Variants in ANKRD31 observed in about 807,000 individuals in gnomAD.
ANKRD31 encodes the protein ankyrin repeat domain-containing protein 31.
In ANKRD31, 147 loss-of-function variants were observed where a neutral mutation model predicts 186.0. That is an observed-to-expected ratio of 0.79 (90% confidence interval 0.69 to 0.91). The LOEUF (loss-of-function observed/expected upper bound fraction) is 0.91, where lower values mean the gene tolerates loss of function less well. ANKRD31 is among the 40% of genes least tolerant of loss of function. ANKRD31 has a pLI of 0.00. For synonymous variants in ANKRD31, 673 were observed against 736.4 expected, an observed-to-expected ratio of 0.91 and a Z score of 1.39; for missense variants, 1,986 against 2,148.8, an observed-to-expected ratio of 0.92 and a Z score of 1.50.
chr5:75,116,533 G>C, intron 19 of ANKRD31, 33 bp downstream of exon 19: 1 of 1,287,966 alleles, frequency 7.8e-7, no homozygotes, highest in Non-Finnish European at 1.0e-6. Flanking sequence ...CATTTTCTAA[G>C]ATGAAGAACA....
At chr5:75,174,017 G>A (rs922854928) in intron 10 of ANKRD31, among the ~76,000 whole-genome samples, 5 of 152,074 alleles carry the variant, frequency 3.3e-5, no homozygotes, top group Admixed American at 1.3e-4. Context: ...CATGGTACTC[G>A]TACCAAAACA....
Position 75,169,027 on chromosome 5 carries a change from T to C in ANKRD31, c.1659A>G (p.Leu553=), listed in dbSNP as rs918062256. ...CATCATGTAGGGGAGTAATCTGGTATAATCCTTTGATATTTACATCTGCTC... is the reference window on the plus strand; with the variant it reads ...CATCATGTAGGGGAGTAATCTGGTACAATCCTTTGATATTTACATCTGCTC... ...KGGADVNIKG[L]YQITPLHDAV... is the part of the protein sequence containing the mutation. Residue 553 remains leucine, a synonymous_variant, in exon 11 of 26, where the codon TTA becomes TTG. Coordinates refer to ENST00000506364, the MANE Select transcript of ANKRD31 (RefSeq NM_001372053.1). 2.5e-5 allele frequency: 38 copies of C among 1,536,578 alleles called. No individual in the cohort carries two copies. The African/African-American group carries it at 4.7e-4, about 19-fold the overall frequency.
chr5:75,224,180 C>T (rs113364060), intron 2 of ANKRD31, among the ~76,000 whole-genome samples: 2,345 of 114,184 alleles, frequency 0.021, 95 homozygotes, highest in African/African-American at 0.057. Flanking sequence ...TATATATATA[C>T]ACACATTTCT....
intron 4 of ANKRD31, among the ~76,000 whole-genome samples, chr5:75,208,625 C>G (rs1756406321): frequency 1.3e-5 from 2 of 152,214 alleles, no homozygotes; most frequent in South Asian, 4.1e-4. Flanking sequence ...TGACAGGACA[C>G]TATGTCCAGA....
chr5:75,187,558 GCAGA>G (rs1242385021), intron 10 of ANKRD31, among the ~76,000 whole-genome samples: 2 of 152,018 alleles, frequency 1.3e-5, no homozygotes, highest in Admixed American at 6.6e-5. Context: ...AACTCAATGG[GCAGA>G]CAAAGAATAC....
At chr5:75,215,292 A>C (rs904306279) in intron 3 of ANKRD31, among the ~76,000 whole-genome samples, 3 of 152,170 alleles carry the variant, frequency 2.0e-5, no homozygotes, top group African/African-American at 7.2e-5. Flanking sequence ...AGGTCCACTG[A>C]CTTTAATGTT....
At chr5:75,187,139 TG>T (rs1754789296) in intron 10 of ANKRD31, among the ~76,000 whole-genome samples, 1 of 151,308 alleles carries the variant, frequency 6.6e-6, no homozygotes, top group Non-Finnish European at 1.5e-5. Flanking sequence ...TGTGTGTGTG[TG>T]TGTGTGTGTT....
At chr5:75,190,783 T>A (rs1755060729) in intron 9 of ANKRD31, among the ~76,000 whole-genome samples, 2 of 152,112 alleles carry the variant, frequency 1.3e-5, no homozygotes, top group South Asian at 4.1e-4. Context: ...TTCAATATAC[T>A]TGGGGACAAG....
chr5:75,146,589 C>A lies in ANKRD31; in HGVS notation c.2822G>T (p.Gly941Val). Reference protein sequence around the residue: ...KENLTNKKEMGFQQFLLSEDH... With the variant: ...KENLTNKKEMVFQQFLLSEDH... ...TTCAGAAAGTAAAAACTGTTGGAAACCCATTTCTTTTTTATTTGTTAAATT... is the reference window on the plus strand; with the variant it reads ...TTCAGAAAGTAAAAACTGTTGGAAAACCATTTCTTTTTTATTTGTTAAATT... The change falls in exon 14 of 26, where the codon GGT becomes GTT. Residue 941 changes from glycine (G) to valine (V), a missense_variant. Coordinates refer to ENST00000506364, the MANE Select transcript of ANKRD31 (RefSeq NM_001372053.1). The A allele has an allele frequency of 6.5e-7, 1 of 1,535,414 alleles. No individual in the cohort carries two copies. The highest frequency in any genetic ancestry group is 2.4e-5 in the East Asian group (1 of 40,866).
chr5:75,220,771 A>G (rs1334553274), intron 3 of ANKRD31, among the ~76,000 whole-genome samples: 1 of 152,166 alleles, frequency 6.6e-6, no homozygotes, highest in African/African-American at 2.4e-5. Flanking sequence ...TCAATGAGAT[A>G]CCAGCTCACA....
intron 2 of ANKRD31, among the ~76,000 whole-genome samples, chr5:75,222,888 G>T (rs1046604097): frequency 6.6e-6 from 1 of 152,156 alleles, no homozygotes; most frequent in Non-Finnish European, 1.5e-5. Flanking sequence ...ATTGTAAATA[G>T]TGCTGCAGTA....
chr5:75,185,124 C>T (rs1253469284), intron 10 of ANKRD31, among the ~76,000 whole-genome samples: 1 of 152,158 alleles, frequency 6.6e-6, no homozygotes, highest in Non-Finnish European at 1.5e-5. Flanking sequence ...AAGACACATA[C>T]TGCATGTTCT....
At chr5:75,210,731 A>T (rs942413709) in intron 4 of ANKRD31, 97 bp downstream of exon 4, 3 of 886,844 alleles carry the variant, frequency 3.4e-6, no homozygotes, top group Non-Finnish European at 3.2e-6. Context: ...AAAAATATAC[A>T]ATAATTCTAA....
chr5:75,068,401 TA>T lies in ANKRD31; in HGVS notation c.*117del. On this transcript the variant is annotated 3_prime_UTR_variant, in exon 26 of 26. Transcript: ENST00000506364. Reference sequence around the variant, plus strand: ...TCTTAAGAACAGTAAACATACATCCTAAATAGCAACTCATAAAGTGTATGTT... The same window carrying T: ...TCTTAAGAACAGTAAACATACATCCTAATAGCAACTCATAAAGTGTATGTT... The T allele has an allele frequency of 1.0e-6, 1 of 962,940 alleles. No individual in the cohort carries two copies. Among genetic ancestry groups the T allele is most frequent in the Non-Finnish European group, 1.4e-6 (1 of 706,854 alleles). The allele number at this position is 962,940 out of a possible 1,614,324, so 59.6% of individuals were successfully genotyped here. A position where few individuals can be genotyped will look rare whatever the true frequency, so the allele number is the denominator to read the frequency against.
intron 3 of ANKRD31, among the ~76,000 whole-genome samples, chr5:75,214,591 T>C (rs1368592518): frequency 6.6e-6 from 1 of 152,204 alleles, no homozygotes; most frequent in Non-Finnish European, 1.5e-5. Context: ...CCAGCCCTGA[T>C]CCTTCTTCCA....
intron 11 of ANKRD31, among the ~76,000 whole-genome samples, chr5:75,156,497 C>A (rs1752186041): frequency 6.6e-6 from 1 of 152,186 alleles, no homozygotes; most frequent in Non-Finnish European, 1.5e-5. Context: ...CCCTCATCCA[C>A]CCTCACCAAA....
At chr5:75,144,810 C>CCTA (rs1319102278) in intron 14 of ANKRD31, among the ~76,000 whole-genome samples, 3 of 152,048 alleles carry the variant, frequency 2.0e-5, no homozygotes, top group African/African-American at 7.2e-5. Flanking sequence ...GAACAGGCAA[C>CCTA]CTACTGAATG....
chr5:75,186,779 G>C lies in ANKRD31; in HGVS notation c.1564+1714C>G, dbSNP rs538782650. 3.3e-5 allele frequency among the ~76,000 whole-genome samples: 5 copies of C among 152,160 alleles called. No individual in the cohort carries two copies. The South Asian group carries it at 1.0e-3, about 32-fold the overall frequency. Reference sequence around the variant, plus strand: ...AATGAGGACTTATAAAATTCAAAATGTTACATATAAAAGACCATTGGTCCA... The same window carrying C: ...AATGAGGACTTATAAAATTCAAAATCTTACATATAAAAGACCATTGGTCCA... On this transcript the variant is annotated intron_variant, in intron 10 of 25. Coordinates refer to ENST00000506364, the MANE Select transcript of ANKRD31 (RefSeq NM_001372053.1).
chr5:75,128,686 T>C (rs1484797862), intron 17 of ANKRD31, among the ~76,000 whole-genome samples: 1 of 142,296 alleles, frequency 7.0e-6, no homozygotes, highest in Non-Finnish European at 1.5e-5. Flanking sequence ...TTTTTTTTTT[T>C]GGTATTTTTA....
Sources: gnomAD v4.1 joint callset for allele counts (sites outside exome capture counted in the v4.1 genomes callset) on GRCh38, gnomAD v4.1.1 for gene constraint, MANE v1.5 for transcripts, NCBI Gene and HGNC (gene_info 2026-07-23, HGNC 2026-07-21) for gene names.